The following TMEM117 variants were observed in gnomAD, a reference collection of about 807,000 sequenced individuals.
TMEM117 encodes transmembrane protein 117.
Under a neutral mutation model 52.4 loss-of-function variants are expected in TMEM117, and 27 were observed. The ratio of observed to expected loss-of-function variants is 0.51; its 90% confidence interval spans 0.38 to 0.71. The LOEUF (loss-of-function observed/expected upper bound fraction) is 0.71, where lower values mean the gene tolerates loss of function less well. Ranked by LOEUF, TMEM117 falls within the 30% of genes least tolerant of loss-of-function variation. TMEM117 has a pLI of 0.00. For missense variants in TMEM117, 556 were observed against 630.5 expected (o/e 0.88, Z 1.26); for synonymous variants, 215 against 206.3 (o/e 1.04, Z -0.36).
chr12:43,932,306 G>A (rs1432107396), intron 2 of TMEM117, among the ~76,000 whole-genome samples: 21 of 147,534 alleles, frequency 1.4e-4, no homozygotes, highest in Non-Finnish European at 1.5e-5. Context: ...TTGGTAGTCA[G>A]ATTTACTTTG....
At chr12:43,851,632 A>G (rs1302680404) in intron 2 of TMEM117, among the ~76,000 whole-genome samples, 1 of 152,222 alleles carries the variant, frequency 6.6e-6, no homozygotes, top group Non-Finnish European at 1.5e-5. Context: ...TTTTATTCCA[A>G]AAAGGAATTG....
intron 5 of TMEM117, among the ~76,000 whole-genome samples, chr12:44,254,765 G>T (rs565623438): frequency 1.3e-4 from 19 of 151,658 alleles, no homozygotes; most frequent in Non-Finnish European, 2.5e-4. Context: ...CCATTAACTC[G>T]TCATTTAGCA....
chr12:44,167,299 A>C (rs967257968), intron 4 of TMEM117, among the ~76,000 whole-genome samples: 9 of 152,302 alleles, frequency 5.9e-5, no homozygotes, highest in African/African-American at 2.2e-4. Context: ...CCCAGGGATC[A>C]ATATAATTAT....
intron 7 of TMEM117, among the ~76,000 whole-genome samples, chr12:44,386,726 C>A (rs1324784897): frequency 6.6e-6 from 1 of 151,918 alleles, no homozygotes; most frequent in Non-Finnish European, 1.5e-5. Flanking sequence ...AGAAACTGGG[C>A]TTTGGAGTGT....
chr12:44,125,828 C>G (rs567402934), intron 3 of TMEM117, among the ~76,000 whole-genome samples: 1 of 151,974 alleles, frequency 6.6e-6, no homozygotes, highest in Non-Finnish European at 1.5e-5. Context: ...TGAGATCTTT[C>G]TAGTTTTTTT....
chr12:43,797,646 C>T, the TMEM117 span: 2 of 1,547,390 alleles, frequency 1.3e-6, no homozygotes, highest in African/African-American at 2.8e-5. Flanking sequence ...AATAATAAAC[C>T]CTATATGAGT....
chr12:44,070,561 A>G (rs368791587), intron 3 of TMEM117, among the ~76,000 whole-genome samples: 38 of 152,178 alleles, frequency 2.5e-4, no homozygotes, highest in African/African-American at 8.7e-4. Context: ...CTTCATGTAC[A>G]TTTTCTCATT....
chr12:43,952,347 C>T (rs1260237011), intron 3 of TMEM117, among the ~76,000 whole-genome samples: 3 of 151,910 alleles, frequency 2.0e-5, no homozygotes, highest in Non-Finnish European at 2.9e-5. Context: ...TTTCACTGAG[C>T]CAAAGGATTA....
At chr12:44,079,566 T>G (rs537546655) in intron 3 of TMEM117, among the ~76,000 whole-genome samples, 7 of 152,182 alleles carry the variant, frequency 4.6e-5, no homozygotes, top group African/African-American at 1.2e-4. Context: ...AATTGTTTGT[T>G]TTTTTCTTGT....
chr12:44,280,279 T>C (rs540894507), intron 5 of TMEM117, among the ~76,000 whole-genome samples: 4 of 152,282 alleles, frequency 2.6e-5, no homozygotes, highest in Admixed American at 6.5e-5. Context: ...CAAATTCATA[T>C]TTCATTTCTA....
At chr12:43,854,554 C>T (rs990245167) in intron 2 of TMEM117, among the ~76,000 whole-genome samples, 2 of 152,100 alleles carry the variant, frequency 1.3e-5, no homozygotes, top group African/African-American at 4.8e-5. Flanking sequence ...GCTCATTTAC[C>T]TTGAACAGTT....
intron 4 of TMEM117, among the ~76,000 whole-genome samples, chr12:44,195,603 A>G (rs116329843): frequency 0.011 from 1,750 of 152,252 alleles, 23 homozygotes; most frequent in South Asian, 0.052. Flanking sequence ...AGGAAAATAC[A>G]ACCTAAAACA....
At chr12:44,292,755 G>A (rs182697395) in intron 5 of TMEM117, among the ~76,000 whole-genome samples, 171 of 151,992 alleles carry the variant, frequency 1.1e-3, no homozygotes, top group Non-Finnish European at 1.8e-3. Context: ...ATTTTCATAT[G>A]CTTGTGAATT....
intron 2 of TMEM117, among the ~76,000 whole-genome samples, chr12:43,855,256 ATTTCTTTT>A (rs962960764): frequency 1.3e-5 from 2 of 150,092 alleles, no homozygotes; most frequent in African/African-American, 4.9e-5. Flanking sequence ...TATGATAAGC[ATTTCTTTT>A]TTTCTTTTTT....
intron 5 of TMEM117, among the ~76,000 whole-genome samples, chr12:44,258,298 C>T (rs1292297265): frequency 1.3e-5 from 2 of 152,106 alleles, no homozygotes; most frequent in Non-Finnish European, 2.9e-5. Flanking sequence ...CCTCTTACCT[C>T]AGGTAATTAC....
chr12:44,198,408 C>G (rs1275499567), intron 4 of TMEM117, among the ~76,000 whole-genome samples: 1 of 152,178 alleles, frequency 6.6e-6, no homozygotes, highest in Admixed American at 6.6e-5. Flanking sequence ...AGGGCCACCA[C>G]AGAGGATGCT....
chr12:43,962,721 C>G (rs1035569965), intron 3 of TMEM117, among the ~76,000 whole-genome samples: 1 of 152,112 alleles, frequency 6.6e-6, no homozygotes, highest in Non-Finnish European at 1.5e-5. Flanking sequence ...GAGATAGAGA[C>G]CATCCTGGCT....
chr12:44,023,764 G>A (rs569692514), intron 3 of TMEM117, among the ~76,000 whole-genome samples: 2 of 138,966 alleles, frequency 1.4e-5, no homozygotes, highest in East Asian at 4.6e-4. Context: ...ATTTTACAAT[G>A]AGAACACATG....
intron 2 of TMEM117, among the ~76,000 whole-genome samples, chr12:43,929,684 A>G (rs947219201): frequency 6.6e-6 from 1 of 152,166 alleles, no homozygotes; most frequent in Admixed American, 6.5e-5. Flanking sequence ...ATACATTCAC[A>G]CAATCACTGT....
Sources: allele counts gnomAD v4.1 joint callset (sites outside exome capture counted in the v4.1 genomes callset), GRCh38; gene constraint gnomAD v4.1.1; transcripts MANE v1.5; gene names NCBI Gene and HGNC (gene_info 2026-07-23, HGNC 2026-07-21).